The following NXPE4 variants were observed in gnomAD, a reference collection of about 807,000 sequenced individuals.
The protein encoded by NXPE4 is neurexophilin and PC-esterase domain family member 4.
In NXPE4, 42 loss-of-function variants were observed where a neutral mutation model predicts 33.3. That is an observed-to-expected ratio of 1.26 (90% CI 0.98 to 1.63). The LOEUF is 1.63. Ranked by LOEUF, NXPE4 falls within the 40% of genes most tolerant of loss-of-function variation. NXPE4 has a pLI of 0.00. For synonymous variants in NXPE4, 253 were observed against 234.9 expected, an observed-to-expected ratio of 1.08 and a Z score of -0.71; for missense variants, 709 against 647.6, an observed-to-expected ratio of 1.09 and a Z score of -1.03.
Position 114,595,780 on chromosome 11 carries a change from C to G in NXPE4, c.-199G>C, listed in dbSNP as rs1261937019. On this transcript the variant is annotated 5_prime_UTR_variant, in exon 1 of 6. Coordinates refer to ENST00000375478, the MANE Select transcript of NXPE4 (RefSeq NM_001077639.2). The stretch of plus-strand genomic sequence containing the variant: ...AACCTTCTGCTTGTTTCAGCTAAGA[C>G]AGAAGTGTCAGCCACGTCAGCTCCA... 5 of 152,282 alleles carry G rather than the reference C, an allele frequency of 3.3e-5. No individual in the cohort carries two copies. The highest frequency in any genetic ancestry group is 1.2e-4 in the African/African-American group (5 of 41,438). 9.4% of individuals were successfully genotyped at this position (152,282 alleles called of 1,614,324 possible). A position where few individuals can be genotyped will look rare whatever the true frequency, so the allele number is the denominator to read the frequency against.
At chr11:114,581,634 G>T in intron 4 of NXPE4, 91 bp downstream of exon 4, 2 of 1,026,836 alleles carry the variant, frequency 1.9e-6, no homozygotes, top group South Asian at 1.4e-5. Context: ...GTGCTGATAG[G>T]ACTGAAACAG....
intron 1 of NXPE4, 71 bp from the exon 2 acceptor site, chr11:114,594,840 C>T (rs866007174): frequency 1.2e-5 from 10 of 828,282 alleles, no homozygotes; most frequent in Middle Eastern, 3.4e-4. Context: ...ACATGGGAAA[C>T]ATTTGAAATT....
At chr11:114,634,449 C>A in the NXPE4 span, among the ~76,000 whole-genome samples, 1 of 152,058 alleles carries the variant, frequency 6.6e-6, no homozygotes, top group Admixed American at 6.6e-5. Context: ...TTTTGCTGTG[C>A]AGCAGCTCTT....
intron 5 of NXPE4, among the ~76,000 whole-genome samples, chr11:114,578,270 T>C (rs939277826): frequency 3.3e-5 from 5 of 152,216 alleles, no homozygotes; most frequent in African/African-American, 1.2e-4. Context: ...TCCAACTTAC[T>C]TCAGTTTTCT....
At chr11:114,606,780 C>T in the NXPE4 span, among the ~76,000 whole-genome samples, 11 of 151,486 alleles carry the variant, frequency 7.3e-5, no homozygotes, top group South Asian at 2.3e-3. Flanking sequence ...CACTATTATC[C>T]AGTCGATAAT....
At chr11:114,661,670 A>G in the NXPE4 span, among the ~76,000 whole-genome samples, 2 of 152,224 alleles carry the variant, frequency 1.3e-5, no homozygotes, top group Non-Finnish European at 2.9e-5. Context: ...CATTATCTGT[A>G]TATTCTTCCC....
At chr11:114,587,841 T>C (rs566901396) in intron 2 of NXPE4, among the ~76,000 whole-genome samples, 1 of 152,328 alleles carries the variant, frequency 6.6e-6, no homozygotes, top group Admixed American at 6.5e-5. Flanking sequence ...CCTTTGACCC[T>C]GAGACTGAAG....
chr11:114,618,131 G>GT, the NXPE4 span, among the ~76,000 whole-genome samples: 8 of 151,912 alleles, frequency 5.3e-5, no homozygotes, highest in African/African-American at 1.9e-4. Flanking sequence ...GGAAACCAGT[G>GT]TTACCTGGTG....
the NXPE4 span, among the ~76,000 whole-genome samples, chr11:114,622,431 C>A: frequency 6.6e-6 from 1 of 151,684 alleles, no homozygotes; most frequent in African/African-American, 2.4e-5. Context: ...ATAAGTGTTG[C>A]CTTCTGCGTA....
At chr11:114,618,267 G>A in the NXPE4 span, among the ~76,000 whole-genome samples, 1 of 151,908 alleles carries the variant, frequency 6.6e-6, no homozygotes, top group South Asian at 2.1e-4. Context: ...GCTACCCACT[G>A]GATAATAAGT....
the NXPE4 span, among the ~76,000 whole-genome samples, chr11:114,639,732 T>A: frequency 4.1e-3 from 508 of 124,308 alleles, 6 homozygotes; most frequent in Admixed American, 6.7e-3. Context: ...AGTAATATAA[T>A]ATAAAATAAT....
chr11:114,660,652 C>T, the NXPE4 span, among the ~76,000 whole-genome samples: 1 of 151,936 alleles, frequency 6.6e-6, no homozygotes, highest in African/African-American at 2.4e-5. Flanking sequence ...GTATTGATAT[C>T]ATGTTCAATG....
the NXPE4 span, among the ~76,000 whole-genome samples, chr11:114,604,440 G>A: frequency 1.1e-4 from 17 of 152,036 alleles, no homozygotes; most frequent in East Asian, 2.9e-3. Flanking sequence ...ATTGTTACCC[G>A]GTGGACACTA....
chr11:114,589,758 T>C (rs1949399145), intron 2 of NXPE4, among the ~76,000 whole-genome samples: 1 of 151,926 alleles, frequency 6.6e-6, no homozygotes, highest in Non-Finnish European at 1.5e-5. Flanking sequence ...AGCCAGAGGG[T>C]AAGAAAGGGC....
the NXPE4 span, among the ~76,000 whole-genome samples, chr11:114,614,530 C>T: frequency 6.6e-6 from 1 of 151,476 alleles, no homozygotes; most frequent in Non-Finnish European, 1.5e-5. Context: ...CATGGGGAAC[C>T]AGTGTTACCC....
chr11:114,635,546 T>G, the NXPE4 span, among the ~76,000 whole-genome samples: 2 of 152,154 alleles, frequency 1.3e-5, no homozygotes, highest in East Asian at 3.9e-4. Flanking sequence ...TTGTGCCAGT[T>G]TTCAAAGGGA....
intron 5 of NXPE4, among the ~76,000 whole-genome samples, chr11:114,573,226 T>C (rs986046717): frequency 6.6e-6 from 1 of 152,106 alleles, no homozygotes; most frequent in African/African-American, 2.4e-5. Context: ...TGAAGCAAGT[T>C]ATCAAAGCAC....
At chr11:114,580,469 G>T (rs1258523318) in intron 4 of NXPE4, 131 bp from the exon 5 acceptor site, 2 of 696,472 alleles carry the variant, frequency 2.9e-6, no homozygotes, top group African/African-American at 1.8e-5. Flanking sequence ...AAGTATTACT[G>T]AAGTATTCTC....
chr11:114,603,042 T>G, the NXPE4 span, among the ~76,000 whole-genome samples: 1 of 151,578 alleles, frequency 6.6e-6, no homozygotes, highest in Non-Finnish European at 1.5e-5. Context: ...CGGAACCGTA[T>G]ATAATAATTA....
Sources: gnomAD v4.1 joint callset for allele counts (sites outside exome capture counted in the v4.1 genomes callset) on GRCh38, gnomAD v4.1.1 for gene constraint, MANE v1.5 for transcripts, NCBI Gene and HGNC (gene_info 2026-07-23, HGNC 2026-07-21) for gene names.